PGBD5: variants seen among roughly 807,000 people sequenced by gnomAD.
The protein encoded by PGBD5 is piggyBac transposable element-derived protein 5.
In PGBD5, 14 loss-of-function variants were observed where a neutral mutation model predicts 47.9. That is an observed-to-expected ratio of 0.29 (90% CI 0.19 to 0.46). PGBD5 has a LOEUF of 0.46. PGBD5 is among the 20% of genes least tolerant of loss of function. The pLI is 1.00. For synonymous variants in PGBD5, 316 were observed against 306.3 expected (o/e 1.03, Z -0.33); for missense variants, 635 against 716.0 (o/e 0.89, Z 1.29).
Position 230,323,182 on chromosome 1 carries a change from T to G in PGBD5, c.*243A>C. ...GAGAATCTGCCCTTGAGAACGTGGG[T>G]GTAAGTGCTCATCACACCGGCGGCA... On this transcript the variant is annotated 3_prime_UTR_variant, in exon 7 of 7. Coordinates refer to ENST00000391860, the MANE Select transcript of PGBD5 (RefSeq NM_001258311.2). This position sits in a 1 kb window ranked among gnomAD's most constrained non-coding sequence, Gnocchi z 4.1. The G allele has an allele frequency of 5.8e-6, 3 of 517,568 alleles. No homozygotes were observed. Among genetic ancestry groups the G allele is most frequent in the South Asian group, 2.6e-5 (1 of 37,840 alleles). 32.1% of individuals were successfully genotyped at this position (517,568 alleles called of 1,614,324 possible). A position where few individuals can be genotyped will look rare whatever the true frequency, so the allele number is the denominator to read the frequency against.
rs1558210759 is a variant in PGBD5, at chr1:230,396,239, C to CTCTTCCCTTTTACTCACAT, written c.331+29358_331+29359insATGTGAGTAAAAGGGAAGA. On this transcript the variant is annotated intron_variant, in intron 1 of 6. Transcript: ENST00000391860. ...CACATTCCTCCTTTTTACCCCCACA[C>CTCTTCCCTTTTACTCACAT]TCCTCCCTTTTACCCCCACACTCCT... Among the ~76,000 whole-genome samples, 64 of 9,642 alleles carry CTCTTCCCTTTTACTCACAT rather than the reference C, an allele frequency of 6.6e-3. 3 individuals are homozygous for CTCTTCCCTTTTACTCACAT. Among genetic ancestry groups the CTCTTCCCTTTTACTCACAT allele is most frequent in the Non-Finnish European group, 9.1e-3 (49 of 5,384 alleles). The allele number at this position is 9,642 out of a possible 152,430, so 6.3% of individuals were successfully genotyped here.
intron 2 of PGBD5, among the ~76,000 whole-genome samples, chr1:230,356,307 G>A (rs1441690859): frequency 6.6e-6 from 1 of 152,204 alleles, no homozygotes; most frequent in Non-Finnish European, 1.5e-5. Flanking sequence ...AAGGCAGGAA[G>A]GGGCTCGGGA....
Position 230,323,254 on chromosome 1 carries a change from C to G in PGBD5, c.*171G>C. 1.5e-6 allele frequency: 1 copy of G among 688,782 alleles called. No homozygotes were observed. 42.7% of individuals were successfully genotyped at this position (688,782 alleles called of 1,614,324 possible). A position where few individuals can be genotyped will look rare whatever the true frequency, so the allele number is the denominator to read the frequency against. ...GCTCTTCTTGGAATGCAAATGAGGA[C>G]AGCAACCGTCCTCTGACCAGGTCCA... On this transcript the variant is annotated 3_prime_UTR_variant, in exon 7 of 7. Coordinates refer to ENST00000391860, the MANE Select transcript of PGBD5 (RefSeq NM_001258311.2). The surrounding 1 kb of genome is among the most constrained non-coding windows in gnomAD (Gnocchi z 4.1).
chr1:230,388,479 G>A (rs1298003876), intron 1 of PGBD5, among the ~76,000 whole-genome samples: 1 of 149,626 alleles, frequency 6.7e-6, no homozygotes, highest in East Asian at 2.0e-4. Context: ...GCAGTGGCAC[G>A]ATGTCAGCTC....
chr1:230,381,087 C>T (rs1252870173), intron 1 of PGBD5, among the ~76,000 whole-genome samples: 1 of 152,224 alleles, frequency 6.6e-6, no homozygotes, highest in Non-Finnish European at 1.5e-5. Context: ...ACACTTCTGC[C>T]CTTCTCCCAG....
intron 4 of PGBD5, among the ~76,000 whole-genome samples, chr1:230,335,844 C>CACACAGGCACAA (rs1553282100): frequency 2.4e-5 from 3 of 122,910 alleles, no homozygotes; most frequent in African/African-American, 5.7e-5. Context: ...CATACACACA[C>CACACAGGCACAA]AGACACACAG....
chr1:230,327,550 G>A (rs1413073151), intron 5 of PGBD5, among the ~76,000 whole-genome samples: 5 of 152,260 alleles, frequency 3.3e-5, no homozygotes, highest in African/African-American at 1.2e-4. Flanking sequence ...CTGGCAATGA[G>A]TTTCCTAAAG....
At chr1:230,383,075 T>C (rs1191058625) in intron 1 of PGBD5, among the ~76,000 whole-genome samples, 4 of 152,174 alleles carry the variant, frequency 2.6e-5, no homozygotes, top group African/African-American at 9.7e-5. Flanking sequence ...CATGTGTATG[T>C]ATGTAAATAT....
intron 1 of PGBD5, chr1:230,362,438 C>T: frequency 7.8e-7 from 1 of 1,278,248 alleles, no homozygotes; most frequent in South Asian, 1.3e-5. Flanking sequence ...TGGACCGTGG[C>T]AAGCTCTTTC....
chr1:230,348,792 ACTGCGGGGG>A (rs1017822009), intron 3 of PGBD5, among the ~76,000 whole-genome samples: 58 of 119,778 alleles, frequency 4.8e-4, no homozygotes, highest in African/African-American at 1.6e-3. Flanking sequence ...AAAGAGAGGG[ACTGCGGGGG>A]CTGAGAAAGT....
intron 5 of PGBD5, among the ~76,000 whole-genome samples, chr1:230,329,778 A>G (rs1448532172): frequency 1.3e-5 from 2 of 152,228 alleles, no homozygotes; most frequent in African/African-American, 4.8e-5. Context: ...GCCACTAAAC[A>G]ACAACAAGAT....
chr1:230,349,794 G>A (rs1667533017), intron 3 of PGBD5, among the ~76,000 whole-genome samples: 1 of 152,194 alleles, frequency 6.6e-6, no homozygotes, highest in Non-Finnish European at 1.5e-5. Context: ...AGGAGCTGAG[G>A]CTGCACCTCC....
intron 1 of PGBD5, among the ~76,000 whole-genome samples, chr1:230,398,838 C>T (rs1019938631): frequency 1.3e-5 from 2 of 152,130 alleles, no homozygotes; most frequent in African/African-American, 4.8e-5. Context: ...ACTGTCACAT[C>T]GGTAAGATTC....
chr1:230,327,139 G>A (rs1288259783), intron 5 of PGBD5, among the ~76,000 whole-genome samples: 1 of 152,104 alleles, frequency 6.6e-6, no homozygotes, highest in Non-Finnish European at 1.5e-5. Context: ...AGAGTGGCTG[G>A]AGTTGACCTA....
chr1:230,407,129 C>T (rs1167456456), intron 1 of PGBD5, among the ~76,000 whole-genome samples: 2 of 152,160 alleles, frequency 1.3e-5, no homozygotes, highest in Non-Finnish European at 1.5e-5. Flanking sequence ...ACCACCATGT[C>T]CAGTCCAGAA....
At chr1:230,341,363 G>T (rs1486541122) in intron 3 of PGBD5, among the ~76,000 whole-genome samples, 2 of 152,166 alleles carry the variant, frequency 1.3e-5, no homozygotes. Context: ...AACGTCAGTG[G>T]TCAAAGGTAG....
chr1:230,353,591 G>A lies in PGBD5; in HGVS notation c.760-2499C>T, dbSNP rs111910813. 3.3e-4 allele frequency among the ~76,000 whole-genome samples: 50 copies of A among 152,286 alleles called. 1 individual carries two copies. The highest frequency in any genetic ancestry group is 1.1e-3 in the African/African-American group (46 of 41,544). On this transcript the variant is annotated intron_variant, in intron 2 of 6. Coordinates refer to ENST00000391860, the MANE Select transcript of PGBD5 (RefSeq NM_001258311.2). The stretch of plus-strand genomic sequence containing the variant: ...TGAGCTGAGTGTGTGAGGTGAGTGT[G>A]CTGTGTGTTTGGAGTGCAGCCCTGA...
intron 1 of PGBD5, among the ~76,000 whole-genome samples, chr1:230,407,521 T>G (rs896523698): frequency 3.9e-5 from 6 of 152,238 alleles, no homozygotes; most frequent in African/African-American, 1.4e-4. Context: ...ACAGCCTGCT[T>G]GCTGGATTAA....
At chr1:230,401,484 A>C (rs1412288601) in intron 1 of PGBD5, among the ~76,000 whole-genome samples, 3 of 152,214 alleles carry the variant, frequency 2.0e-5, no homozygotes, top group Non-Finnish European at 4.4e-5. Flanking sequence ...AAACAGCACT[A>C]AGGAAAGATC....
Sources: gnomAD v4.1 joint callset for allele counts (sites outside exome capture counted in the v4.1 genomes callset) on GRCh38, gnomAD v4.1.1 for gene constraint, Gnocchi (gnomAD v3.1) non-coding constraint, MANE v1.5 for transcripts, NCBI Gene and HGNC (gene_info 2026-07-23, HGNC 2026-07-21) for gene names.